SAMSN1: variants seen among roughly 807,000 people sequenced by gnomAD.
SAMSN1 encodes the protein SAM domain-containing protein SAMSN-1.
SAMSN1 carries 31 observed loss-of-function variants against 42.0 expected under a neutral mutation model. The observed-to-expected ratio is 0.74, with a 90% CI of 0.55 to 1.00. The LOEUF is 1.00. Ranked by LOEUF, SAMSN1 falls within the 50% of genes least tolerant of loss-of-function variation. The pLI, the probability that SAMSN1 is intolerant of heterozygous loss-of-function variation, is 0.00. For synonymous variants in SAMSN1, 178 were observed against 151.9 expected (o/e 1.17, Z -1.26); for missense variants, 464 against 439.4 (o/e 1.06, Z -0.50).
chr21:14,594,499 T>C (rs1289692877), intron 6 of SAMSN1, among the ~76,000 whole-genome samples: 1 of 152,136 alleles, frequency 6.6e-6, no homozygotes, highest in Non-Finnish European at 1.5e-5. Flanking sequence ...CATTATTAGG[T>C]ACACAATGGA....
At chr21:14,608,117 C>T (rs957031948) in intron 5 of SAMSN1, among the ~76,000 whole-genome samples, 15 of 152,190 alleles carry the variant, frequency 9.9e-5, no homozygotes, top group African/African-American at 3.6e-4. Flanking sequence ...AATGGCTATT[C>T]ACACAAGAGA....
chr21:14,656,459 A>C (rs1309313789), intron 1 of SAMSN1, among the ~76,000 whole-genome samples: 2 of 151,854 alleles, frequency 1.3e-5, no homozygotes, highest in African/African-American at 4.8e-5. Flanking sequence ...TTGTAACCTC[A>C]TGGGTTACAA....
At position 14,577,279 on chromosome 21, in the gene SAMSN1, TA is replaced by T. The variant is rs1414801663; in HGVS notation, c.261+4856del. Among the ~76,000 whole-genome samples, 340 of 52,864 alleles carry T rather than the reference TA, an allele frequency of 6.4e-3. 12 individuals are homozygous for T. Among genetic ancestry groups the T allele is most frequent in the South Asian group, 0.015 (23 of 1,536 alleles). 34.7% of individuals were successfully genotyped at this position (52,864 alleles called of 152,430 possible). Reference sequence around the variant, plus strand: ...ATATATATATATATATATATATATATATATATTTTTTTTTTAGAAGAGACAG... The same window carrying T: ...ATATATATATATATATATATATATATTATATTTTTTTTTTAGAAGAGACAG... On this transcript the variant is annotated intron_variant, in intron 2 of 8. Coordinates refer to the SAMSN1 transcript ENST00000285670.
intron 2 of SAMSN1, among the ~76,000 whole-genome samples, chr21:14,616,243 A>G (rs1982834876): frequency 6.6e-6 from 1 of 152,012 alleles, no homozygotes; most frequent in Non-Finnish European, 1.5e-5. Context: ...TTGTCTTTGT[A>G]ACTTTGAGAA....
intron 2 of SAMSN1, among the ~76,000 whole-genome samples, chr21:14,639,264 T>TA (rs1983539137): frequency 6.6e-6 from 1 of 152,140 alleles, no homozygotes; most frequent in Admixed American, 6.5e-5. Context: ...TGAGACTGGG[T>TA]AATTTATAGC....
At chr21:14,655,335 A>G (rs982702577) in intron 1 of SAMSN1, among the ~76,000 whole-genome samples, 7 of 151,812 alleles carry the variant, frequency 4.6e-5, no homozygotes, top group African/African-American at 1.7e-4. Flanking sequence ...AGATGACAAA[A>G]TACTACTAAT....
At chr21:14,616,720 C>T (rs778715968) in intron 2 of SAMSN1, among the ~76,000 whole-genome samples, 3 of 152,136 alleles carry the variant, frequency 2.0e-5, no homozygotes, top group Non-Finnish European at 4.4e-5. Context: ...GAAAGGCAAC[C>T]GATTGTGTTC....
At chr21:14,510,912 G>A (rs902066686) in intron 4 of SAMSN1, among the ~76,000 whole-genome samples, 1 of 152,194 alleles carries the variant, frequency 6.6e-6, no homozygotes, top group Non-Finnish European at 1.5e-5. Flanking sequence ...AAGTGTGTCT[G>A]AATATCTGCA....
chr21:14,580,381 TCTGA>T (rs1391219858), intron 2 of SAMSN1, among the ~76,000 whole-genome samples: 1 of 152,230 alleles, frequency 6.6e-6, no homozygotes, highest in Non-Finnish European at 1.5e-5. Context: ...TGAAGAAAAC[TCTGA>T]CTATTTGTGT....
chr21:14,581,340 ATTTCTTTTTTTTTT>A (rs1479611447), intron 2 of SAMSN1, among the ~76,000 whole-genome samples: 10 of 22,536 alleles, frequency 4.4e-4, no homozygotes, highest in African/African-American at 1.2e-3. Context: ...GGGAAATAAT[ATTTCTTTTTTTTTT>A]TTTTTTTTTT....
intron 3 of SAMSN1, among the ~76,000 whole-genome samples, 191 bp from the exon 4 acceptor site, chr21:14,512,764 C>T (rs1987744871): frequency 6.6e-6 from 1 of 152,230 alleles, no homozygotes. Flanking sequence ...GGAAAAATTA[C>T]TCAGATGACA....
At chr21:14,645,466 T>A (rs1392720360) in intron 1 of SAMSN1, among the ~76,000 whole-genome samples, 2 of 152,194 alleles carry the variant, frequency 1.3e-5, no homozygotes, top group African/African-American at 4.8e-5. Context: ...GCTTGGGATA[T>A]CCCCTAAAGC....
intron 1 of SAMSN1, among the ~76,000 whole-genome samples, chr21:14,522,736 C>G (rs1468611117): frequency 1.3e-5 from 2 of 152,140 alleles, no homozygotes; most frequent in Non-Finnish European, 1.5e-5. Context: ...CAAATGCGAT[C>G]CATACATATA....
chr21:14,653,422 C>A (rs1197498737), intron 1 of SAMSN1, among the ~76,000 whole-genome samples: 1 of 151,946 alleles, frequency 6.6e-6, no homozygotes, highest in Non-Finnish European at 1.5e-5. Context: ...CATGTTCTCA[C>A]TTATCTGTGG....
At chr21:14,649,064 T>C (rs1305882990) in intron 1 of SAMSN1, among the ~76,000 whole-genome samples, 1 of 151,918 alleles carries the variant, frequency 6.6e-6, no homozygotes, top group East Asian at 1.9e-4. Flanking sequence ...ATGTGGCACA[T>C]ATACACCATG....
At chr21:14,536,033 A>G (rs1272724330) in intron 1 of SAMSN1, among the ~76,000 whole-genome samples, 1 of 152,208 alleles carries the variant, frequency 6.6e-6, no homozygotes. Context: ...AGATAGTTTA[A>G]AATCTTCTGC....
intron 1 of SAMSN1, among the ~76,000 whole-genome samples, chr21:14,643,892 T>C (rs1457293407): frequency 1.3e-5 from 2 of 152,164 alleles, no homozygotes; most frequent in African/African-American, 2.4e-5. Flanking sequence ...TCGTGCGGCA[T>C]TGAACTTAGT....
chr21:14,627,044 G>A (rs530822539), intron 2 of SAMSN1, among the ~76,000 whole-genome samples: 2 of 152,140 alleles, frequency 1.3e-5, no homozygotes, highest in East Asian at 1.9e-4. Context: ...ACCAAACACT[G>A]CATGTTCTCA....
At chr21:14,510,136 CAAAAAAAGAAAAA>C (rs1019138436) in intron 5 of SAMSN1, among the ~76,000 whole-genome samples, 161 bp downstream of exon 5, 12 of 137,064 alleles carry the variant, frequency 8.8e-5, no homozygotes, top group South Asian at 4.5e-4. Flanking sequence ...GACTCCGTCT[CAAAAAAAGAAAAA>C]AAAAAAAGAA....
Sources: gnomAD v4.1 joint callset for allele counts (sites outside exome capture counted in the v4.1 genomes callset) on GRCh38, gnomAD v4.1.1 for gene constraint, MANE v1.5 for transcripts, NCBI Gene and HGNC (gene_info 2026-07-23, HGNC 2026-07-21) for gene names.